OR3A2: variants seen among roughly 807,000 people sequenced by gnomAD.
OR3A2 encodes olfactory receptor 3A2.
For synonymous variants in OR3A2, 126 were observed against 159.3 expected (o/e 0.79, Z 1.57); for missense variants, 318 against 392.8 (o/e 0.81, Z 1.61).
chr17:3,291,431 G>C, intron 3 of OR3A2: 1 of 476,560 alleles, frequency 2.1e-6, no homozygotes, highest in Non-Finnish European at 3.7e-6. Flanking sequence ...TTGTCTAAGG[G>C]GCTGGCTTGG....
chr17:3,321,691 G>T (rs1348272656), intron 3 of OR3A2, among the ~76,000 whole-genome samples: 2 of 151,528 alleles, frequency 1.3e-5, no homozygotes, highest in African/African-American at 4.9e-5. Flanking sequence ...TTTATTGATT[G>T]GCATATGTTG....
intron 2 of OR3A2, among the ~76,000 whole-genome samples, chr17:3,344,791 A>G (rs1050903517): frequency 2.0e-5 from 3 of 152,138 alleles, no homozygotes; most frequent in Admixed American, 6.6e-5. Context: ...GCTTTAGGGA[A>G]GGGCATCTGA....
chr17:3,326,693 T>C (rs1281323325), intron 3 of OR3A2, among the ~76,000 whole-genome samples: 3 of 111,900 alleles, frequency 2.7e-5, no homozygotes, highest in African/African-American at 1.0e-4. Flanking sequence ...CCCAATGCTA[T>C]CCCTCCCCCC....
At chr17:3,385,476 T>G (rs769390213) in intron 1 of OR3A2, among the ~76,000 whole-genome samples, 1 of 151,302 alleles carries the variant, frequency 6.6e-6, no homozygotes, top group Non-Finnish European at 1.5e-5. Context: ...GATAGAGGAG[T>G]TTGGATAGAT....
intron 3 of OR3A2, chr17:3,292,204 G>A: frequency 6.2e-7 from 1 of 1,614,180 alleles, no homozygotes; most frequent in African/African-American, 1.3e-5. Flanking sequence ...CAGATGGCCA[G>A]GAATCGGTCA....
chr17:3,347,561 A>C (rs1285572466), intron 2 of OR3A2, among the ~76,000 whole-genome samples: 1 of 152,182 alleles, frequency 6.6e-6, no homozygotes, highest in Non-Finnish European at 1.5e-5. Flanking sequence ...ATGTCCCTAC[A>C]AAGGACATGA....
chr17:3,292,324 G>A (rs752443246), intron 3 of OR3A2: 14 of 1,613,964 alleles, frequency 8.7e-6, no homozygotes, highest in Admixed American at 1.7e-5. Context: ...GACAGGAGAC[G>A]ACTCAACATT....
chr17:3,354,335 A>C (rs1091424), intron 2 of OR3A2, among the ~76,000 whole-genome samples: 104,102 of 151,022 alleles, frequency 0.69, 37,619 homozygotes, highest in East Asian at 1. Flanking sequence ...TTTTTTGAGA[A>C]AGGTTTTGCT....
chr17:3,348,733 T>C (rs2049391899), intron 2 of OR3A2, among the ~76,000 whole-genome samples: 1 of 152,020 alleles, frequency 6.6e-6, no homozygotes, highest in Non-Finnish European at 1.5e-5. Flanking sequence ...AATTGTCAGA[T>C]TCACCAAAGT....
chr17:3,309,024 G>A (rs1004177834), intron 3 of OR3A2, among the ~76,000 whole-genome samples: 1 of 152,072 alleles, frequency 6.6e-6, no homozygotes, highest in African/African-American at 2.4e-5. Flanking sequence ...TTCTGCCCCA[G>A]CCTCCCGAGT....
chr17:3,367,016 C>A (rs981425850), intron 2 of OR3A2, among the ~76,000 whole-genome samples: 8 of 152,158 alleles, frequency 5.3e-5, no homozygotes, highest in Non-Finnish European at 1.0e-4. Context: ...GCAACTGGTC[C>A]TGAACATTAG....
chr17:3,378,427 G>C (rs771695218), intron 2 of OR3A2, among the ~76,000 whole-genome samples: 14 of 152,222 alleles, frequency 9.2e-5, no homozygotes, highest in Non-Finnish European at 2.1e-4. Flanking sequence ...GGAGAGGCCA[G>C]AGCAGAGCAG....
intron 3 of OR3A2, among the ~76,000 whole-genome samples, chr17:3,324,574 A>G (rs538917661): frequency 6.6e-6 from 1 of 152,106 alleles, no homozygotes; most frequent in Non-Finnish European, 1.5e-5. Context: ...TTTTCCTTCT[A>G]ACAGACAGGA....
chr17:3,340,536 A>G (rs561348788), intron 2 of OR3A2, among the ~76,000 whole-genome samples: 1 of 152,316 alleles, frequency 6.6e-6, no homozygotes, highest in South Asian at 2.1e-4. Flanking sequence ...TCCAGTAGTC[A>G]TTCAGGAGCA....
At chr17:3,347,397 C>CTAGAGATATA in intron 2 of OR3A2, among the ~76,000 whole-genome samples, 1 of 152,124 alleles carries the variant, frequency 6.6e-6, no homozygotes, top group Non-Finnish European at 1.5e-5. Context: ...CTCCCCTCTC[C>CTAGAGATATA]CCCGGCCCCA....
At chr17:3,313,624 C>T (rs1245506165) in intron 3 of OR3A2, among the ~76,000 whole-genome samples, 1 of 152,238 alleles carries the variant, frequency 6.6e-6, no homozygotes, top group Non-Finnish European at 1.5e-5. Context: ...CAATCTTCAT[C>T]TTTCAACCAC....
chr17:3,315,864 C>T (rs2049079271), intron 3 of OR3A2, among the ~76,000 whole-genome samples: 1 of 151,908 alleles, frequency 6.6e-6, no homozygotes, highest in Non-Finnish European at 1.5e-5. Context: ...GTGAGTTGTC[C>T]CATCTATCCA....
chr17:3,382,729 A>G (rs1194603786), intron 2 of OR3A2, among the ~76,000 whole-genome samples: 4 of 152,144 alleles, frequency 2.6e-5, no homozygotes, highest in Admixed American at 1.3e-4. Context: ...TCCACTCCCA[A>G]GCATCTGTAT....
chr17:3,371,518 G>T (rs1372389853), intron 2 of OR3A2, among the ~76,000 whole-genome samples: 1 of 144,318 alleles, frequency 6.9e-6, no homozygotes, highest in Non-Finnish European at 1.5e-5. Flanking sequence ...CCGGGCGGGG[G>T]GCTGACCCCA....
Sources: allele counts gnomAD v4.1 joint callset (sites outside exome capture counted in the v4.1 genomes callset), GRCh38; gene constraint gnomAD v4.1.1; transcripts MANE v1.5; gene names NCBI Gene and HGNC (gene_info 2026-07-23, HGNC 2026-07-21).